TLK2: variants seen among roughly 807,000 people sequenced by gnomAD.
TLK2 encodes the protein tousled like kinase 2, also known as serine/threonine-protein kinase tousled-like 2.
Under a neutral mutation model 117.3 loss-of-function variants are expected in TLK2, and 6 were observed. That is an observed-to-expected ratio of 0.05 (90% CI 0.03 to 0.10). The LOEUF is 0.10. Among genes scored for constraint, TLK2 ranks in the 10% least tolerant of loss-of-function variants. The pLI is 1.00. For synonymous variants in TLK2, 257 were observed against 316.7 expected, an observed-to-expected ratio of 0.81 and a Z score of 2.00; for missense variants, 299 against 901.2, an observed-to-expected ratio of 0.33 and a Z score of 8.56.
rs145713669 is a variant in TLK2 at position 62,528,614 on chromosome 17, G to A, written c.363+4283G>A. Reference sequence around the variant, plus strand: ...GTGTTTTTAGTAGACACGAGGTTTCGCCATGTTGGCCAGGCTGGCCTCTAT... The same window carrying A: ...GTGTTTTTAGTAGACACGAGGTTTCACCATGTTGGCCAGGCTGGCCTCTAT... On this transcript the variant is annotated intron_variant, in intron 6 of 21. Coordinates refer to ENST00000346027, the MANE Select transcript of TLK2 (RefSeq NM_006852.6). Among the ~76,000 whole-genome samples the A allele has an allele frequency of 5.2e-3, 790 of 151,904 alleles. 4 individuals are homozygous for A. Among genetic ancestry groups the A allele is most frequent in the African/African-American group, 0.018 (752 of 41,406 alleles).
In TLK2 at chr17:62,523,069, A is replaced by G. The variant is rs540808557; in HGVS notation, c.224-65A>G. The G allele has an allele frequency of 2.7e-6, 4 of 1,471,464 alleles. No individual in the cohort carries two copies. In the East Asian group the frequency reaches 7.1e-5, roughly 26 times the overall value. 91.2% of individuals were successfully genotyped at this position (1,471,464 alleles called of 1,614,324 possible). ...TATGTAGTTACTGAATGTATAGTAC[A>G]TTTTAGTGAATGATGGTTTATATGT... is the stretch of plus-strand genomic sequence containing the variant. On this transcript the variant is annotated intron_variant, in intron 4 of 21. Coordinates refer to ENST00000346027, the MANE Select transcript of TLK2 (RefSeq NM_006852.6).
chr17:62,574,935 G>T (rs1184203790), intron 12 of TLK2, among the ~76,000 whole-genome samples: 1 of 152,180 alleles, frequency 6.6e-6, no homozygotes, highest in Non-Finnish European at 1.5e-5. Flanking sequence ...TTTCCTTTCA[G>T]CAAGTCCAAG....
At chr17:62,495,442 T>C (rs1567789072) in intron 2 of TLK2, among the ~76,000 whole-genome samples, 2 of 151,360 alleles carry the variant, frequency 1.3e-5, no homozygotes, top group Admixed American at 1.3e-4. Flanking sequence ...TTAGATAGGG[T>C]CTCACTCTGT....
chr17:62,554,560 C>T (rs1269308136), intron 9 of TLK2, among the ~76,000 whole-genome samples: 2 of 151,534 alleles, frequency 1.3e-5, no homozygotes, highest in South Asian at 2.1e-4. Context: ...CCAGCCTGGG[C>T]GACAGAGTGA....
intron 12 of TLK2, among the ~76,000 whole-genome samples, chr17:62,576,247 C>A (rs867059608): frequency 1.2e-4 from 18 of 152,182 alleles, no homozygotes; most frequent in African/African-American, 4.3e-4. Flanking sequence ...GAACCCTAGT[C>A]CTCAGACTCC....
At chr17:62,535,077 T>C (rs1262682067) in intron 6 of TLK2, among the ~76,000 whole-genome samples, 1 of 151,842 alleles carries the variant, frequency 6.6e-6, no homozygotes, top group Non-Finnish European at 1.5e-5. Context: ...TTAATAGAGA[T>C]GGGTTTCACC....
At chr17:62,584,336 C>T (rs996040740) in intron 15 of TLK2, among the ~76,000 whole-genome samples, 17 of 151,632 alleles carry the variant, frequency 1.1e-4, no homozygotes, top group African/African-American at 2.9e-4. Flanking sequence ...AGGATGGTCT[C>T]GATCTCCCGA....
intron 20 of TLK2, among the ~76,000 whole-genome samples, chr17:62,606,617 A>G (rs1320093158): frequency 6.6e-6 from 1 of 152,212 alleles, no homozygotes; most frequent in Non-Finnish European, 1.5e-5. Flanking sequence ...AAATATCCCC[A>G]GAATCTTTAT....
rs372177740 is a variant in TLK2 at position 62,516,529 on chromosome 17, C to G, written c.82-4244C>G. 3 of 1,608,682 alleles carry G rather than the reference C, an allele frequency of 1.9e-6. No individual in the cohort carries two copies. The African/African-American group carries it at 4.0e-5, about 22-fold the overall frequency. On this transcript the variant is annotated intron_variant, in intron 2 of 21. Coordinates refer to ENST00000346027, the MANE Select transcript of TLK2 (RefSeq NM_006852.6). ...CTCCGGGGGCAGATGAAGGTAATCA[C>G]GGAGATACTGGATACACTCATTGGT...
chr17:62,600,441 T>G (rs1203824032), intron 17 of TLK2: 2 of 468,204 alleles, frequency 4.3e-6, no homozygotes, highest in South Asian at 4.3e-5. Flanking sequence ...ATTCCAACAT[T>G]GAGGGTGTGG....
chr17:62,549,398 C>CAAAAAAAAAAAAAAAAAAA (rs777779302), intron 7 of TLK2, among the ~76,000 whole-genome samples: 3 of 37,102 alleles, frequency 8.1e-5, no homozygotes, highest in African/African-American at 2.1e-4. Context: ...GACTCCATCT[C>CAAAAAAAAAAAAAAAAAAA]AAAAAAAAAA....
chr17:62,501,099 G>T (rs891971613), intron 2 of TLK2, among the ~76,000 whole-genome samples: 3 of 152,100 alleles, frequency 2.0e-5, no homozygotes, highest in African/African-American at 7.2e-5. Flanking sequence ...TTAGCCGGGC[G>T]TGGTGGCAGG....
At chr17:62,518,636 G>A (rs1346961176) in intron 2 of TLK2, among the ~76,000 whole-genome samples, 1 of 152,038 alleles carries the variant, frequency 6.6e-6, no homozygotes, top group Non-Finnish European at 1.5e-5. Flanking sequence ...AATCTGGGAG[G>A]CAGGGGTTGC....
chr17:62,541,617 A>G (rs2077538838), intron 7 of TLK2, among the ~76,000 whole-genome samples: 1 of 152,196 alleles, frequency 6.6e-6, no homozygotes, highest in Non-Finnish European at 1.5e-5. Flanking sequence ...TTGAGGTTTT[A>G]TTTTTAAGAG....
At chr17:62,600,621 A>G (rs372780743) in intron 17 of TLK2, 30 bp from the exon 18 acceptor site, 946 of 1,564,410 alleles carry the variant, frequency 6.0e-4, no homozygotes, top group Non-Finnish European at 7.8e-4. Context: ...CTCTTATTCC[A>G]TGGTTAAATA....
chr17:62,478,029 C>T (rs933812592), upstream of TLK2: 12 of 152,098 alleles, frequency 7.9e-5, no homozygotes, highest in African/African-American at 2.4e-4. Context: ...GGGGCGGGGG[C>T]TCGGCTTTGA....
intron 6 of TLK2, among the ~76,000 whole-genome samples, chr17:62,529,641 T>C (rs889195221): frequency 3.9e-5 from 6 of 152,266 alleles, no homozygotes; most frequent in African/African-American, 1.4e-4. Context: ...TTATGTTTTC[T>C]ATCTTGGGCA....
At chr17:62,609,514 C>T (rs1167861573) in intron 21 of TLK2, among the ~76,000 whole-genome samples, 1 of 152,210 alleles carries the variant, frequency 6.6e-6, no homozygotes, top group Non-Finnish European at 1.5e-5. Flanking sequence ...TAAGAATTAA[C>T]ATCTTTAGCA....
chr17:62,541,172 C>T (rs1488277002), intron 7 of TLK2, among the ~76,000 whole-genome samples: 2 of 152,196 alleles, frequency 1.3e-5, no homozygotes, highest in South Asian at 2.1e-4. Flanking sequence ...TCTCCCCACC[C>T]ATCCCACCTG....
Sources: gnomAD v4.1 joint callset for allele counts (sites outside exome capture counted in the v4.1 genomes callset) on GRCh38, gnomAD v4.1.1 for gene constraint, MANE v1.5 for transcripts, NCBI Gene and HGNC (gene_info 2026-07-23, HGNC 2026-07-21) for gene names.